Variants in INSYN2B observed in about 807,000 individuals in gnomAD.
INSYN2B encodes protein INSYN2B.
INSYN2B carries 16 observed loss-of-function variants against 41.2 expected under a neutral mutation model. The ratio of observed to expected loss-of-function variants is 0.39; its 90% CI spans 0.26 to 0.59. INSYN2B has a LOEUF of 0.59. INSYN2B is among the 20% of genes least tolerant of loss of function. INSYN2B has a pLI of 0.57. For missense variants in INSYN2B, 608 were observed against 646.4 expected, an observed-to-expected ratio of 0.94 and a Z score of 0.64; for synonymous variants, 245 against 244.4, an observed-to-expected ratio of 1.00 and a Z score of -0.02.
intron 2 of INSYN2B, among the ~76,000 whole-genome samples, chr5:169,881,707 G>A (rs1031221338): frequency 6.6e-6 from 1 of 152,182 alleles, no homozygotes; most frequent in Non-Finnish European, 1.5e-5. Context: ...TTCTGCAGGT[G>A]AGTGGAAGGG....
intron 1 of INSYN2B, among the ~76,000 whole-genome samples, chr5:169,957,262 C>T (rs138578487): frequency 2.0e-5 from 3 of 152,316 alleles, no homozygotes; most frequent in African/African-American, 4.8e-5. Flanking sequence ...GGCCTTTAGC[C>T]AGGGACTTAA....
chr5:169,908,515 A>G (rs1053374176), intron 1 of INSYN2B, among the ~76,000 whole-genome samples: 5 of 152,244 alleles, frequency 3.3e-5, no homozygotes, highest in African/African-American at 1.2e-4. Flanking sequence ...AATGAACACA[A>G]ATAGGTTCCC....
chr5:169,978,348 G>A (rs1036769160), intron 1 of INSYN2B, among the ~76,000 whole-genome samples: 2 of 134,486 alleles, frequency 1.5e-5, no homozygotes, highest in African/African-American at 5.6e-5. Flanking sequence ...CAGTTCACAT[G>A]GCACTGCAGG....
chr5:169,901,242 G>GT (rs1773906501), intron 1 of INSYN2B, among the ~76,000 whole-genome samples: 1 of 152,198 alleles, frequency 6.6e-6, no homozygotes, highest in Admixed American at 6.5e-5. Flanking sequence ...TCTGATGCAA[G>GT]AAAGGTATTT....
At position 169,874,392 on chromosome 5, in the gene INSYN2B, G is replaced by A. The variant is rs143073641; in HGVS notation, c.1421+6976C>T. Among the ~76,000 whole-genome samples, 768 of 129,720 alleles carry A rather than the reference G, an allele frequency of 5.9e-3. 7 individuals are homozygous for A. The highest frequency in any genetic ancestry group is 0.021 in the African/African-American group (735 of 35,362). 85.1% of individuals were successfully genotyped at this position (129,720 alleles called of 152,430 possible). On this transcript the variant is annotated intron_variant, in intron 3 of 3. Coordinates refer to ENST00000377365, the MANE Select transcript of INSYN2B (RefSeq NM_001129891.3). ...TGTGCAACTGCACTCCAGCCTAGGC[G>A]ACAGTGAGACTCTGTCTCAAAAAAA...
chr5:169,905,747 C>A (rs1025792084), intron 1 of INSYN2B, among the ~76,000 whole-genome samples: 14 of 152,186 alleles, frequency 9.2e-5, no homozygotes, highest in Non-Finnish European at 2.1e-4. Context: ...GAACTGCAAA[C>A]CACCCAGGTG....
In INSYN2B at chr5:169,864,536, T is replaced by A. The variant is rs1463607758; in HGVS notation, c.1422-77A>T. On this transcript the variant is annotated intron_variant, in intron 3 of 3. Transcript: ENST00000377365. Reference sequence around the variant, plus strand: ...TGATTAAGCATCTCTCAGCCCCAACTAATATGGAAGAGCATGAGCTTTGGG... The same window carrying A: ...TGATTAAGCATCTCTCAGCCCCAACAAATATGGAAGAGCATGAGCTTTGGG... 7.0e-6 allele frequency: 8 copies of A among 1,143,112 alleles called. No individual in the cohort carries two copies. The East Asian group carries it at 2.1e-4, about 30-fold the overall frequency. 70.8% of individuals were successfully genotyped at this position (1,143,112 alleles called of 1,614,324 possible).
At chr5:169,886,986 C>T (rs1005592684) in intron 1 of INSYN2B, among the ~76,000 whole-genome samples, 7 of 152,120 alleles carry the variant, frequency 4.6e-5, no homozygotes, top group Non-Finnish European at 8.8e-5. Flanking sequence ...GATCAGTTCC[C>T]CACTTTATAA....
chr5:169,906,857 G>A (rs186404949), intron 1 of INSYN2B, among the ~76,000 whole-genome samples: 4 of 152,300 alleles, frequency 2.6e-5, no homozygotes, highest in Admixed American at 6.5e-5. Context: ...ACTGCTAGCC[G>A]CCTCTGTCCT....
At chr5:169,866,669 CCTT>C (rs1434687599) in intron 3 of INSYN2B, among the ~76,000 whole-genome samples, 1 of 152,194 alleles carries the variant, frequency 6.6e-6, no homozygotes, top group Non-Finnish European at 1.5e-5. Context: ...CTGTTAGAGA[CCTT>C]CTAGCCAAAG....
intron 1 of INSYN2B, among the ~76,000 whole-genome samples, chr5:169,887,954 T>C (rs1198053891): frequency 6.6e-6 from 1 of 152,234 alleles, no homozygotes; most frequent in Non-Finnish European, 1.5e-5. Flanking sequence ...AGAAATTGTA[T>C]CTCATTATTC....
intron 1 of INSYN2B, among the ~76,000 whole-genome samples, chr5:169,958,908 A>C (rs1425139566): frequency 6.6e-6 from 1 of 152,324 alleles, no homozygotes; most frequent in East Asian, 1.9e-4. Context: ...TCTCAAAGAC[A>C]ATGTGTTTTA....
At chr5:169,968,378 T>G (rs1443628775) in intron 1 of INSYN2B, among the ~76,000 whole-genome samples, 5 of 152,188 alleles carry the variant, frequency 3.3e-5, no homozygotes, top group African/African-American at 1.2e-4. Context: ...TACTGAGTGC[T>G]TTCTATGTGT....
chr5:169,912,187 T>C (rs575942045), intron 1 of INSYN2B, among the ~76,000 whole-genome samples: 1 of 152,338 alleles, frequency 6.6e-6, no homozygotes, highest in South Asian at 2.1e-4. Context: ...TCTTTTGTTT[T>C]GTCTTTCAGT....
rs114458632 is a variant in INSYN2B, at chr5:169,862,219, G to T, written c.*2054C>A. The stretch of plus-strand genomic sequence containing the variant: ...TATGTTCTTATCTGTATTCAAGAAT[G>T]GACAAACAGGCCGGGAAATTTAAGC... On this transcript the variant is annotated 3_prime_UTR_variant, in exon 4 of 4. Transcript: ENST00000377365. Among the ~76,000 whole-genome samples, 256 of 152,334 alleles carry T rather than the reference G, an allele frequency of 1.7e-3. 1 individual carries two copies. The highest frequency in any genetic ancestry group is 5.6e-3 in the African/African-American group (233 of 41,572).
At chr5:169,976,934 T>C (rs181501317) in intron 1 of INSYN2B, among the ~76,000 whole-genome samples, 22 of 152,348 alleles carry the variant, frequency 1.4e-4, no homozygotes, top group African/African-American at 4.3e-4. Flanking sequence ...GCAGGCCACA[T>C]GAACCTTGCG....
chr5:169,957,923 G>A (rs982421990), intron 1 of INSYN2B, among the ~76,000 whole-genome samples: 5 of 152,240 alleles, frequency 3.3e-5, no homozygotes, highest in African/African-American at 1.2e-4. Flanking sequence ...CAAAAGTGGA[G>A]GTTTCCAGTG....
At chr5:169,976,787 T>A (rs1777732175) in intron 1 of INSYN2B, among the ~76,000 whole-genome samples, 1 of 152,118 alleles carries the variant, frequency 6.6e-6, no homozygotes, top group Non-Finnish European at 1.5e-5. Context: ...GCCCACAGCG[T>A]CAGGCAGGGG....
At chr5:169,874,030 C>T (rs1452662118) in intron 3 of INSYN2B, among the ~76,000 whole-genome samples, 1 of 152,150 alleles carries the variant, frequency 6.6e-6, no homozygotes, top group Non-Finnish European at 1.5e-5. Flanking sequence ...CAAAGGGAGG[C>T]TCTTGCAGAG....
Sources: allele counts gnomAD v4.1 joint callset (sites outside exome capture counted in the v4.1 genomes callset), GRCh38; gene constraint gnomAD v4.1.1; transcripts MANE v1.5; gene names NCBI Gene and HGNC (gene_info 2026-07-23, HGNC 2026-07-21).